The following LRRTM4 variants were observed in gnomAD, a reference collection of about 807,000 sequenced individuals.
LRRTM4 encodes leucine rich repeat transmembrane neuronal 4.
A neutral mutation model predicts 47.6 loss-of-function variants in LRRTM4; 25 were observed. The ratio of observed to expected loss-of-function variants is 0.53; its 90% confidence interval spans 0.38 to 0.73. The LOEUF is 0.73. LRRTM4 is among the 30% of genes least tolerant of loss of function. The pLI is 0.00. For synonymous variants in LRRTM4, 311 were observed against 269.5 expected (o/e 1.15, Z -1.51); for missense variants, 638 against 713.4 (o/e 0.89, Z 1.20).
intron 3 of LRRTM4, among the ~76,000 whole-genome samples, chr2:76,779,860 T>C (rs527426076): frequency 3.9e-5 from 6 of 152,148 alleles, no homozygotes; most frequent in Non-Finnish European, 1.5e-5. Flanking sequence ...CTAGTCTTGA[T>C]GGTCTTTACA....
intron 3 of LRRTM4, among the ~76,000 whole-genome samples, chr2:76,836,376 CT>C (rs1292742268): frequency 6.6e-6 from 1 of 151,754 alleles, no homozygotes; most frequent in Non-Finnish European, 1.5e-5. Context: ...CACATATTAT[CT>C]TTCTTCTTTC....
At chr2:77,423,130 A>T (rs1442614974) in intron 3 of LRRTM4, among the ~76,000 whole-genome samples, 1 of 152,068 alleles carries the variant, frequency 6.6e-6, no homozygotes, top group East Asian at 1.9e-4. Context: ...GAGTTGCTTT[A>T]TTGCTAGATA....
chr2:77,100,411 A>T (rs1670923165), intron 3 of LRRTM4, among the ~76,000 whole-genome samples: 1 of 152,186 alleles, frequency 6.6e-6, no homozygotes, highest in Non-Finnish European at 1.5e-5. Flanking sequence ...GATGGAGCGC[A>T]TTGCCTCCGA....
intron 3 of LRRTM4, among the ~76,000 whole-genome samples, chr2:77,066,792 A>G (rs1679970019): frequency 6.6e-6 from 1 of 152,242 alleles, no homozygotes; most frequent in Non-Finnish European, 1.5e-5. Flanking sequence ...TAAAACAGAA[A>G]TTAAAGAAGA....
rs183137526 is a variant in LRRTM4, at chr2:77,049,258, C to T, written c.1552-300342G>A. ...CTATTGTGAATAATGCTACAATAAA[C>T]GTGGGAATGCATATATCTATTTGAC... On this transcript the variant is annotated intron_variant, in intron 3 of 3. Coordinates refer to ENST00000409884, the MANE Select transcript of LRRTM4 (RefSeq NM_001134745.3). 1.5e-3 allele frequency among the ~76,000 whole-genome samples: 231 copies of T among 149,586 alleles called. 3 individuals carry two copies. The highest frequency in any genetic ancestry group is 5.4e-3 in the African/African-American group (219 of 40,802).
chr2:77,101,267 A>T (rs542456571), intron 3 of LRRTM4, among the ~76,000 whole-genome samples: 1 of 152,312 alleles, frequency 6.6e-6, no homozygotes, highest in South Asian at 2.1e-4. Context: ...TAAATAAAGC[A>T]TTTGCTTTAA....
chr2:77,489,911 T>C (rs1369223956), intron 3 of LRRTM4, among the ~76,000 whole-genome samples: 3 of 152,192 alleles, frequency 2.0e-5, no homozygotes, highest in African/African-American at 4.8e-5. Context: ...TATCTATATG[T>C]AGAAAGATCC....
intron 3 of LRRTM4, among the ~76,000 whole-genome samples, chr2:77,470,040 G>C (rs1331534060): frequency 2.0e-5 from 3 of 152,104 alleles, no homozygotes; most frequent in Non-Finnish European, 4.4e-5. Context: ...GGGTCAGAGA[G>C]GATAAGAAGT....
intron 3 of LRRTM4, among the ~76,000 whole-genome samples, chr2:77,012,545 T>C (rs1677913351): frequency 1.3e-5 from 2 of 152,194 alleles, no homozygotes; most frequent in Admixed American, 1.3e-4. Flanking sequence ...CTGGGCAGGA[T>C]TGATGAGTGC....
chr2:76,808,523 A>G (rs1298122444), intron 3 of LRRTM4, among the ~76,000 whole-genome samples: 2 of 152,098 alleles, frequency 1.3e-5, no homozygotes, highest in Admixed American at 6.5e-5. Flanking sequence ...AAGAAACACA[A>G]TCACAATTTT....
intron 3 of LRRTM4, among the ~76,000 whole-genome samples, chr2:77,416,055 G>A (rs1027559213): frequency 6.6e-6 from 1 of 151,950 alleles, no homozygotes; most frequent in African/African-American, 2.4e-5. Flanking sequence ...TGTAGTGTGA[G>A]GATATACAGT....
At chr2:77,016,383 T>TAAAA (rs75200969) in intron 3 of LRRTM4, among the ~76,000 whole-genome samples, 2 of 133,440 alleles carry the variant, frequency 1.5e-5, no homozygotes, top group East Asian at 2.2e-4. Context: ...GAACTCCATT[T>TAAAA]AAAAAAAAAA....
intron 3 of LRRTM4, among the ~76,000 whole-genome samples, chr2:76,972,061 C>T (rs1573386504): frequency 6.6e-6 from 1 of 152,078 alleles, no homozygotes; most frequent in South Asian, 2.1e-4. Flanking sequence ...GTACTAGAAC[C>T]TGGTTGTTTC....
intron 3 of LRRTM4, among the ~76,000 whole-genome samples, chr2:76,941,223 C>T (rs1675131653): frequency 6.6e-6 from 1 of 152,098 alleles, no homozygotes; most frequent in African/African-American, 2.4e-5. Context: ...TCTTCATTAG[C>T]AGGATGCACA....
In LRRTM4 at chr2:77,338,310, C is replaced by T. The variant is rs149436523; in HGVS notation, c.1551+180008G>A. On this transcript the variant is annotated intron_variant, in intron 3 of 3. Coordinates refer to ENST00000409884, the MANE Select transcript of LRRTM4 (RefSeq NM_001134745.3). ...GTCAACAGAGTAAACAGACAACCTA[C>T]AGAAAGGGAGAAAATACATAAACTA... 2.4e-3 allele frequency among the ~76,000 whole-genome samples: 364 copies of T among 152,074 alleles called. 4 individuals carry two copies. The highest frequency in any genetic ancestry group is 6.8e-3 in the Middle Eastern group (2 of 294).
chr2:77,507,748 A>C (rs1402408921), intron 3 of LRRTM4, among the ~76,000 whole-genome samples: 8 of 152,128 alleles, frequency 5.3e-5, no homozygotes, highest in African/African-American at 1.9e-4. Flanking sequence ...GAAGTTACAG[A>C]GGAAACAGCT....
At chr2:77,276,312 GGAAGA>G (rs1469463311) in intron 3 of LRRTM4, among the ~76,000 whole-genome samples, 1 of 143,220 alleles carries the variant, frequency 7.0e-6, no homozygotes. Flanking sequence ...GAGAATGAAA[GGAAGA>G]GAAGAAGGAA....
chr2:77,037,956 T>A (rs1293549448), intron 3 of LRRTM4, among the ~76,000 whole-genome samples: 3 of 151,608 alleles, frequency 2.0e-5, no homozygotes, highest in African/African-American at 7.3e-5. Context: ...CCAGTAAAAT[T>A]CTTAAGGAGC....
At chr2:76,868,300 C>T (rs566431866) in intron 3 of LRRTM4, among the ~76,000 whole-genome samples, 3 of 152,020 alleles carry the variant, frequency 2.0e-5, no homozygotes, top group Non-Finnish European at 4.4e-5. Context: ...GACATAGGAC[C>T]CAGTTTCTAT....
Sources: allele counts gnomAD v4.1 joint callset (sites outside exome capture counted in the v4.1 genomes callset), GRCh38; gene constraint gnomAD v4.1.1; transcripts MANE v1.5; gene names NCBI Gene and HGNC (gene_info 2026-07-23, HGNC 2026-07-21).